The following DPYD variants were observed in gnomAD, a reference collection of about 807,000 sequenced individuals.
DPYD encodes dihydropyrimidine dehydrogenase [NADP(+)].
DPYD carries 109 observed loss-of-function variants against 116.2 expected under a neutral mutation model. The ratio of observed to expected loss-of-function variants is 0.94; its 90% CI spans 0.80 to 1.10. DPYD has a LOEUF of 1.10. Ranked by LOEUF, DPYD falls within the 50% of genes least tolerant of loss-of-function variation. The pLI, the probability that DPYD is intolerant of heterozygous loss-of-function variation, is 0.00. For missense variants in DPYD, 1,302 were observed against 1,254.5 expected (o/e 1.04, Z -0.57); for synonymous variants, 440 against 432.0 (o/e 1.02, Z -0.23).
At chr1:97,845,741 G>A (rs1670265558) in intron 2 of DPYD, among the ~76,000 whole-genome samples, 1 of 152,208 alleles carries the variant, frequency 6.6e-6, no homozygotes, top group Non-Finnish European at 1.5e-5. Flanking sequence ...GCCCTTCAGG[G>A]AGGCCAGACC....
At chr1:97,153,364 C>A (rs1484429352) in intron 20 of DPYD, among the ~76,000 whole-genome samples, 4 of 151,984 alleles carry the variant, frequency 2.6e-5, no homozygotes, top group Non-Finnish European at 5.9e-5. Flanking sequence ...GGCTCTATAG[C>A]CCCAGGAGAA....
chr1:97,545,244 T>C (rs958641216), intron 12 of DPYD, among the ~76,000 whole-genome samples: 8 of 152,206 alleles, frequency 5.3e-5, no homozygotes, highest in African/African-American at 2.4e-5. Context: ...TTCTTGAGCG[T>C]ATCTCTTATT....
intron 14 of DPYD, among the ~76,000 whole-genome samples, chr1:97,406,180 G>C (rs1673644572): frequency 6.6e-6 from 1 of 151,626 alleles, no homozygotes; most frequent in African/African-American, 2.4e-5. Context: ...CCCTATATTT[G>C]CCTGTCTATC....
chr1:97,240,384 T>C (rs1225608850), intron 18 of DPYD, among the ~76,000 whole-genome samples: 1 of 151,956 alleles, frequency 6.6e-6, no homozygotes, highest in African/African-American at 2.4e-5. Flanking sequence ...CAAGAGAGTG[T>C]GGAACATATG....
intron 2 of DPYD, among the ~76,000 whole-genome samples, chr1:97,851,331 T>C (rs549977846): frequency 6.6e-6 from 1 of 151,746 alleles, no homozygotes; most frequent in Admixed American, 6.6e-5. Context: ...GTATTGCTTA[T>C]GATGAGGTCA....
At chr1:97,247,976 T>C (rs1002679973) in intron 18 of DPYD, among the ~76,000 whole-genome samples, 6 of 152,200 alleles carry the variant, frequency 3.9e-5, no homozygotes, top group Admixed American at 2.6e-4. Context: ...TTGTAGAAGA[T>C]AGAGGAAGAA....
At chr1:97,682,914 T>C (rs969867283) in intron 7 of DPYD, among the ~76,000 whole-genome samples, 1 of 152,078 alleles carries the variant, frequency 6.6e-6, no homozygotes, top group African/African-American at 2.4e-5. Flanking sequence ...ATTCCAGCAG[T>C]TCTGAATGTC....
chr1:97,715,634 T>A (rs929047623), intron 5 of DPYD, among the ~76,000 whole-genome samples: 1 of 152,130 alleles, frequency 6.6e-6, no homozygotes, highest in Non-Finnish European at 1.5e-5. Context: ...ATTAATAATG[T>A]CCTGATCATT....
At chr1:97,881,800 G>C (rs894212260) in intron 2 of DPYD, among the ~76,000 whole-genome samples, 1 of 151,580 alleles carries the variant, frequency 6.6e-6, no homozygotes, top group Non-Finnish European at 1.5e-5. Flanking sequence ...AGAGATTTAG[G>C]CTTGATAGTC....
At chr1:97,501,583 C>T (rs573487457) in intron 13 of DPYD, among the ~76,000 whole-genome samples, 6 of 151,888 alleles carry the variant, frequency 4.0e-5, no homozygotes, top group East Asian at 2.0e-4. Context: ...TGGTAGTGCA[C>T]GCCTATAGTC....
intron 8 of DPYD, among the ~76,000 whole-genome samples, chr1:97,619,570 T>C (rs1656506842): frequency 6.6e-6 from 1 of 152,200 alleles, no homozygotes; most frequent in Admixed American, 6.6e-5. Context: ...CTTTTATCAA[T>C]GCAAGGGAAA....
intron 16 of DPYD, among the ~76,000 whole-genome samples, chr1:97,361,554 A>G (rs908771290): frequency 1.8e-4 from 28 of 152,354 alleles, no homozygotes; most frequent in African/African-American, 6.5e-4. Context: ...AAAAATCCTC[A>G]GTAAAATACT....
At chr1:97,188,969 C>T (rs1658179710) in intron 20 of DPYD, among the ~76,000 whole-genome samples, 1 of 152,150 alleles carries the variant, frequency 6.6e-6, no homozygotes, top group Non-Finnish European at 1.5e-5. Context: ...TATTTCTTTA[C>T]ATATTCTTTT....
intron 20 of DPYD, among the ~76,000 whole-genome samples, chr1:97,167,261 T>C (rs1656393094): frequency 6.6e-6 from 1 of 152,194 alleles, no homozygotes; most frequent in East Asian, 1.9e-4. Flanking sequence ...AGCTACCTCA[T>C]ATTCATATAC....
chr1:97,117,873 G>C (rs1228515058), intron 20 of DPYD, among the ~76,000 whole-genome samples: 3 of 152,020 alleles, frequency 2.0e-5, no homozygotes, highest in African/African-American at 7.2e-5. Flanking sequence ...TTTAAAATTT[G>C]CTTCCAATTC....
intron 10 of DPYD, among the ~76,000 whole-genome samples, chr1:97,575,297 T>C (rs189805749): frequency 6.6e-6 from 1 of 152,220 alleles, no homozygotes; most frequent in African/African-American, 2.4e-5. Context: ...AATTAATTCT[T>C]GGGGGAAAGA....
At chr1:97,260,021 A>G (rs1463370947) in intron 18 of DPYD, among the ~76,000 whole-genome samples, 1 of 152,140 alleles carries the variant, frequency 6.6e-6, no homozygotes, top group Non-Finnish European at 1.5e-5. Context: ...TCACCTTTTT[A>G]CTTTCTTTAG....
At chr1:97,161,769 T>C (rs1281273207) in intron 20 of DPYD, among the ~76,000 whole-genome samples, 1 of 131,640 alleles carries the variant, frequency 7.6e-6, no homozygotes, top group African/African-American at 2.9e-5. Context: ...CCCCTTCCTG[T>C]GTCCATGTGT....
intron 13 of DPYD, among the ~76,000 whole-genome samples, chr1:97,451,992 C>T (rs1018384461): frequency 6.6e-6 from 1 of 152,050 alleles, no homozygotes. Context: ...AGTCAAGTGC[C>T]CTGGTACTGT....
Sources: allele counts gnomAD v4.1 joint callset (sites outside exome capture counted in the v4.1 genomes callset), GRCh38; gene constraint gnomAD v4.1.1; transcripts MANE v1.5; gene names NCBI Gene and HGNC (gene_info 2026-07-23, HGNC 2026-07-21).